The following PMM2 variants were observed in gnomAD, a reference collection of about 807,000 sequenced individuals.
PMM2 encodes the protein mannose-6-phosphate isomerase.
Under a neutral mutation model 33.2 loss-of-function variants are expected in PMM2, and 35 were observed. That is an observed-to-expected ratio of 1.06 (90% CI 0.81 to 1.40). PMM2 has a LOEUF of 1.40. Ranked by LOEUF, PMM2 falls within the 40% of genes most tolerant of loss-of-function variation. PMM2 has a pLI of 0.00. For missense variants in PMM2, 386 were observed against 306.0 expected (o/e 1.26, Z -1.95); for synonymous variants, 153 against 114.7 (o/e 1.33, Z -2.13).
At chr16:8,833,761 G>A (rs2060826348) in intron 7 of PMM2, among the ~76,000 whole-genome samples, 1 of 151,970 alleles carries the variant, frequency 6.6e-6, no homozygotes, top group African/African-American at 2.4e-5. Flanking sequence ...ATAAGAGAAG[G>A]AGAAAAACAG....
At chr16:8,810,811 A>T in intron 4 of PMM2, 1 of 490,712 alleles carries the variant, frequency 2.0e-6, no homozygotes, top group South Asian at 2.2e-5. Flanking sequence ...GCATTTTAAC[A>T]CAAAGTCAAT....
At chr16:8,812,919 G>C in intron 6 of PMM2, 72 bp from the exon 7 acceptor site, 1 of 882,416 alleles carries the variant, frequency 1.1e-6, no homozygotes. Flanking sequence ...AGAGTAAATT[G>C]TTTTTTTCAG....
intron 7 of PMM2, among the ~76,000 whole-genome samples, chr16:8,846,511 C>T (rs1433587351): frequency 1.3e-5 from 2 of 152,018 alleles, no homozygotes; most frequent in Admixed American, 1.3e-4. Context: ...GGCAGATAAC[C>T]TGATTCATTA....
chr16:8,801,985 G>A (rs2060619331), intron 2 of PMM2, 75 bp downstream of exon 2: 2 of 1,062,030 alleles, frequency 1.9e-6, no homozygotes, highest in African/African-American at 1.6e-5. Context: ...AGTATCATAG[G>A]CTGCCCTAAA....
intron 1 of PMM2, 127 bp from the exon 2 acceptor site, chr16:8,801,672 A>G (rs2060617092): frequency 3.3e-6 from 2 of 606,778 alleles, no homozygotes; most frequent in South Asian, 3.5e-5. Context: ...CCCTATCTCA[A>G]AAAAAAATTT....
At chr16:8,804,709 G>T (rs371981559) in intron 2 of PMM2, 58 bp from the exon 3 acceptor site, 37 of 1,208,894 alleles carry the variant, frequency 3.1e-5, no homozygotes, top group Non-Finnish European at 4.2e-5. Context: ...TAATCAAGGA[G>T]TAAAAACACA....
chr16:8,845,017 C>A (rs560635105), intron 7 of PMM2, among the ~76,000 whole-genome samples: 2 of 152,186 alleles, frequency 1.3e-5, no homozygotes, highest in Non-Finnish European at 2.9e-5. Flanking sequence ...ATCTGAGTCA[C>A]GGCACCAAAT....
At chr16:8,844,520 G>A (rs2060911790) in intron 7 of PMM2, among the ~76,000 whole-genome samples, 1 of 152,136 alleles carries the variant, frequency 6.6e-6, no homozygotes, top group African/African-American at 2.4e-5. Flanking sequence ...ATCAGAGAAG[G>A]GGTAGAGACA....
intron 4 of PMM2, 136 bp from the exon 5 acceptor site, chr16:8,810,943 C>T: frequency 4.3e-6 from 3 of 700,910 alleles, no homozygotes; most frequent in East Asian, 5.4e-5. Flanking sequence ...TACCATATTA[C>T]ATAGCACAGA....
In PMM2 at chr16:8,797,891, G is replaced by C. The variant is rs2060588329; in HGVS notation, c.9G>C (p.Ala3=). MA[A]PGPALCLFDV... ...GGCTAGAAACTGGGGACATGGCAGC[G>C]CCTGGCCCAGCGCTCTGCCTCTTCG... The change falls in exon 1 of 8, where the codon GCG becomes GCC. Residue 3 remains alanine, a synonymous_variant. Coordinates refer to ENST00000268261, the MANE Select transcript of PMM2 (RefSeq NM_000303.3). 1 of 1,611,430 alleles carries C rather than the reference G, an allele frequency of 6.2e-7. No individual in the cohort carries two copies. Among genetic ancestry groups the C allele is most frequent in the East Asian group, 2.2e-5 (1 of 44,786 alleles).
chr16:8,836,523 G>T (rs1218086732), intron 7 of PMM2, among the ~76,000 whole-genome samples: 3 of 152,038 alleles, frequency 2.0e-5, no homozygotes, highest in Non-Finnish European at 1.5e-5. Flanking sequence ...GGCTGCTGCG[G>T]TTCAGGCGTT....
At chr16:8,836,257 C>G (rs1404865614) in intron 7 of PMM2, among the ~76,000 whole-genome samples, 1 of 151,970 alleles carries the variant, frequency 6.6e-6, no homozygotes, top group Non-Finnish European at 1.5e-5. Flanking sequence ...TATGGGGCTT[C>G]CGAGGGGATT....
intron 7 of PMM2, 158 bp from the exon 8 acceptor site, chr16:8,847,566 C>A: frequency 1.5e-6 from 1 of 665,268 alleles, no homozygotes; most frequent in South Asian, 1.6e-5. Context: ...CAATTGTACT[C>A]ACGTTCCTCT....
intron 7 of PMM2, among the ~76,000 whole-genome samples, chr16:8,816,763 G>A (rs2060710791): frequency 1.3e-5 from 2 of 152,180 alleles, no homozygotes; most frequent in South Asian, 4.2e-4. Flanking sequence ...ATAAATGTTG[G>A]CGAGGGTGTG....
intron 7 of PMM2, chr16:8,832,420 C>T (rs1193675483): frequency 4.1e-6 from 4 of 985,398 alleles, no homozygotes; most frequent in Non-Finnish European, 4.8e-6. Flanking sequence ...GTTACATGCA[C>T]ACAGATCACT....
At chr16:8,804,031 G>GTTTTTTTTGTTTTTTT (rs2060631723) in intron 2 of PMM2, among the ~76,000 whole-genome samples, 3 of 87,492 alleles carry the variant, frequency 3.4e-5, no homozygotes, top group African/African-American at 9.1e-5. Context: ...GGTTTTTTTT[G>GTTTTTTTTGTTTTTTT]TTTTTTTTTT....
At chr16:8,805,199 C>T (rs929596482) in intron 3 of PMM2, among the ~76,000 whole-genome samples, 4 of 152,180 alleles carry the variant, frequency 2.6e-5, no homozygotes, top group Admixed American at 6.5e-5. Flanking sequence ...TCCCCCATAG[C>T]TGGGATTACA....
At chr16:8,843,650 A>G (rs1399015160) in intron 7 of PMM2, among the ~76,000 whole-genome samples, 5 of 152,160 alleles carry the variant, frequency 3.3e-5, no homozygotes, top group Admixed American at 2.0e-4. Context: ...CTCACAGTGG[A>G]GGCAAGGAAT....
intron 7 of PMM2, among the ~76,000 whole-genome samples, chr16:8,821,404 G>A (rs1038503059): frequency 3.9e-5 from 6 of 152,192 alleles, no homozygotes; most frequent in Non-Finnish European, 8.8e-5. Context: ...ATGGCCCTGG[G>A]TGTTGGTCCC....
Sources: gnomAD v4.1 joint callset for allele counts (sites outside exome capture counted in the v4.1 genomes callset) on GRCh38, gnomAD v4.1.1 for gene constraint, MANE v1.5 for transcripts, NCBI Gene and HGNC (gene_info 2026-07-23, HGNC 2026-07-21) for gene names.